PCBP3: variants seen among roughly 807,000 people sequenced by gnomAD.
PCBP3 encodes the protein poly(rC)-binding protein 3.
A neutral mutation model predicts 52.7 loss-of-function variants in PCBP3; 25 were observed. The ratio of observed to expected loss-of-function variants is 0.47; its 90% CI spans 0.35 to 0.66. The LOEUF (loss-of-function observed/expected upper bound fraction) is 0.66, where lower values mean the gene tolerates loss of function less well. Among genes scored for constraint, PCBP3 ranks in the 30% least tolerant of loss-of-function variants. The probability of loss-of-function intolerance (pLI) is 0.01; values close to 1 mark genes in which losing one functional copy is unlikely to be tolerated. For missense variants in PCBP3, 391 were observed against 490.3 expected, an observed-to-expected ratio of 0.80 and a Z score of 1.91; for synonymous variants, 162 against 183.0, an observed-to-expected ratio of 0.89 and a Z score of 0.93.
In PCBP3 at chr21:45,812,197, A is replaced by G. The variant is rs112315134; in HGVS notation, c.-125-37764A>G. ...CACATGCTATCATAAGCCAGAAGGT[A>G]TCTGGTACAGGTCTCAGTCAATTTA... On this transcript the variant is annotated intron_variant, in intron 4 of 17. Coordinates refer to ENST00000681687, the MANE Select transcript of PCBP3 (RefSeq NM_001384156.1). 7.8e-3 allele frequency among the ~76,000 whole-genome samples: 1,183 copies of G among 152,288 alleles called. 16 individuals are homozygous for G. Among genetic ancestry groups the G allele is most frequent in the African/African-American group, 0.026 (1,072 of 41,550 alleles).
At chr21:45,743,683 G>A (rs750353404) in intron 3 of PCBP3, among the ~76,000 whole-genome samples, 1 of 152,106 alleles carries the variant, frequency 6.6e-6, no homozygotes, top group Non-Finnish European at 1.5e-5. Context: ...GTTAGTGTTC[G>A]AGTTATTGTA....
At chr21:45,701,174 C>T (rs1354078717) in intron 2 of PCBP3, among the ~76,000 whole-genome samples, 3 of 152,178 alleles carry the variant, frequency 2.0e-5, no homozygotes, top group African/African-American at 7.2e-5. Context: ...GTTAGTCTTT[C>T]AAGTGAACCT....
At chr21:45,901,292 G>A in intron 9 of PCBP3, 179 bp downstream of exon 9, 1 of 586,692 alleles carries the variant, frequency 1.7e-6, no homozygotes, top group Admixed American at 2.8e-5. Flanking sequence ...GGTTCACCCA[G>A]TCAGGGGCCA....
chr21:45,789,913 G>A (rs967577313), intron 4 of PCBP3, among the ~76,000 whole-genome samples: 2 of 152,222 alleles, frequency 1.3e-5, no homozygotes, highest in Non-Finnish European at 2.9e-5. Context: ...GCCGAGACGG[G>A]CGGATCACGA....
intron 4 of PCBP3, among the ~76,000 whole-genome samples, chr21:45,801,314 C>CT (rs374858603): frequency 5.1e-4 from 77 of 152,368 alleles, no homozygotes; most frequent in African/African-American, 1.7e-3. Context: ...GCCAGTCTGT[C>CT]TGAGTCCTGC....
intron 5 of PCBP3, among the ~76,000 whole-genome samples, chr21:45,895,352 T>C (rs2095797459): frequency 6.6e-6 from 1 of 152,098 alleles, no homozygotes; most frequent in Non-Finnish European, 1.5e-5. Context: ...GCTTCACAGG[T>C]TTCTGTTCCT....
At chr21:45,935,993 G>C (rs1050951879) in intron 16 of PCBP3, among the ~76,000 whole-genome samples, 24 of 152,376 alleles carry the variant, frequency 1.6e-4, no homozygotes, top group African/African-American at 5.8e-4. Context: ...GCAGCAAGCA[G>C]AGTCCCTGTG....
intron 4 of PCBP3, among the ~76,000 whole-genome samples, chr21:45,758,385 A>G (rs1474683169): frequency 6.6e-6 from 1 of 152,190 alleles, no homozygotes; most frequent in African/African-American, 2.4e-5. Flanking sequence ...TTGAATCTGT[A>G]GATACATTTG....
At chr21:45,810,798 CTTG>C (rs1422916826) in intron 4 of PCBP3, among the ~76,000 whole-genome samples, 1 of 152,138 alleles carries the variant, frequency 6.6e-6, no homozygotes, top group African/African-American at 2.4e-5. Context: ...CTTGAGTCTT[CTTG>C]TCGGGAAGGT....
chr21:45,899,916 C>A (rs531365177), intron 7 of PCBP3, among the ~76,000 whole-genome samples: 1 of 152,160 alleles, frequency 6.6e-6, no homozygotes, highest in South Asian at 2.1e-4. Context: ...GAAGACCCCA[C>A]GAAGAATGAT....
intron 2 of PCBP3, among the ~76,000 whole-genome samples, chr21:45,723,751 G>A (rs560928988): frequency 6.6e-6 from 1 of 152,348 alleles, no homozygotes; most frequent in African/African-American, 2.4e-5. Flanking sequence ...GCCAGGCCCG[G>A]GGTCGAGCTC....
intron 5 of PCBP3, among the ~76,000 whole-genome samples, chr21:45,875,196 T>C (rs1174076652): frequency 8.1e-5 from 12 of 148,468 alleles, no homozygotes; most frequent in Non-Finnish European, 1.3e-4. Flanking sequence ...CTGGGGGCCC[T>C]TCCACGCGGC....
chr21:45,831,703 AAGTT>A (rs112008216), intron 4 of PCBP3, among the ~76,000 whole-genome samples: 1,837 of 151,730 alleles, frequency 0.012, 15 homozygotes, highest in Middle Eastern at 0.034. Flanking sequence ...AAGTGAAAGC[AAGTT>A]AGTTAGTTAG....
intron 4 of PCBP3, among the ~76,000 whole-genome samples, chr21:45,766,432 C>T (rs1358043482): frequency 6.6e-6 from 1 of 152,208 alleles, no homozygotes; most frequent in Non-Finnish European, 1.5e-5. Context: ...GATGCGAGAG[C>T]TGTCTCTCTC....
intron 8 of PCBP3, 113 bp downstream of exon 8, chr21:45,900,736 T>G: frequency 1.1e-6 from 1 of 897,942 alleles, no homozygotes; most frequent in East Asian, 2.4e-5. Context: ...CCGGGGTGTG[T>G]GGGGAGTGCA....
Position 45,853,242 on chromosome 21 carries a change from G to A in PCBP3, c.10+3147G>A, listed in dbSNP as rs1314828905. ...CTCCTTGTTGTGCTCCGTGGATGTCGGGGTGGAAGGTGACCTCAGTGCCCC... is the reference window on the plus strand; with the variant it reads ...CTCCTTGTTGTGCTCCGTGGATGTCAGGGTGGAAGGTGACCTCAGTGCCCC... On this transcript the variant is annotated intron_variant, in intron 5 of 17. Coordinates refer to ENST00000681687, the MANE Select transcript of PCBP3 (RefSeq NM_001384156.1). The surrounding 1 kb of genome is among the most constrained non-coding windows in gnomAD (Gnocchi z 4.6). Among the ~76,000 whole-genome samples, 1 of 152,180 alleles carries A rather than the reference G, an allele frequency of 6.6e-6. No individual in the cohort carries two copies. Among genetic ancestry groups the A allele is most frequent in the Non-Finnish European group, 1.5e-5 (1 of 68,030 alleles).
intron 13 of PCBP3, among the ~76,000 whole-genome samples, chr21:45,929,693 G>A (rs546781104): frequency 2.2e-4 from 34 of 152,358 alleles, no homozygotes; most frequent in African/African-American, 7.7e-4. Context: ...AGAAGACAGC[G>A]GCTTCCGGAG....
intron 2 of PCBP3, among the ~76,000 whole-genome samples, chr21:45,713,781 G>C (rs190701487): frequency 1.3e-5 from 2 of 152,244 alleles, no homozygotes; most frequent in Non-Finnish European, 2.9e-5. Flanking sequence ...GCAGCCATGT[G>C]AGTCTGCTTC....
chr21:45,868,299 A>G (rs539996774), intron 5 of PCBP3, among the ~76,000 whole-genome samples: 1 of 152,136 alleles, frequency 6.6e-6, no homozygotes, highest in African/African-American at 2.4e-5. Flanking sequence ...CGCGGTTTTC[A>G]GAGCCCCAGG....
Sources: gnomAD v4.1 joint callset for allele counts (sites outside exome capture counted in the v4.1 genomes callset) on GRCh38, gnomAD v4.1.1 for gene constraint, Gnocchi (gnomAD v3.1) non-coding constraint, MANE v1.5 for transcripts, NCBI Gene and HGNC (gene_info 2026-07-23, HGNC 2026-07-21) for gene names.